LARS1: variants seen among roughly 807,000 people sequenced by gnomAD.
LARS1 encodes leucine--tRNA ligase, cytoplasmic.
LARS1 carries 100 observed loss-of-function variants against 162.8 expected under a neutral mutation model. That is an observed-to-expected ratio of 0.61 (90% CI 0.52 to 0.73). The LOEUF (loss-of-function observed/expected upper bound fraction) is 0.73. LARS1 is among the 30% of genes least tolerant of loss of function. The probability of loss-of-function intolerance (pLI) is 0.00; values close to 1 mark genes in which losing one functional copy is unlikely to be tolerated. For missense variants in LARS1, 1,258 were observed against 1,408.9 expected, an observed-to-expected ratio of 0.89 and a Z score of 1.71; for synonymous variants, 457 against 462.8, an observed-to-expected ratio of 0.99 and a Z score of 0.16.
intron 8 of LARS1, among the ~76,000 whole-genome samples, chr5:146,158,531 C>T (rs2126537544): frequency 6.6e-6 from 1 of 152,242 alleles, no homozygotes; most frequent in South Asian, 2.1e-4. Flanking sequence ...AGCCAAATCA[C>T]TTACTCTTGA....
intron 31 of LARS1, 142 bp from the exon 32 acceptor site, chr5:146,114,453 G>A (rs1026837589): frequency 3.5e-5 from 25 of 707,182 alleles, no homozygotes; most frequent in African/African-American, 9.0e-5. Context: ...TAAAAGCCAC[G>A]CTGGGTGCGG....
In LARS1 at chr5:146,138,899, C is replaced by T. The variant is rs1302142231; in HGVS notation, c.2148+1305G>A. 8 of 301,288 alleles carry T rather than the reference C, an allele frequency of 2.7e-5. No homozygotes were observed. The Admixed American group carries it at 3.1e-4, about 12-fold the overall frequency. 18.7% of individuals were successfully genotyped at this position (301,288 alleles called of 1,614,324 possible). A position where few individuals can be genotyped will look rare whatever the true frequency, so the allele number is the denominator to read the frequency against. ...ACCAGAGTAATCTGGGGAAAGGTAACTCAGGCCCACGGGAACAGTAGCATG... is the reference window on the plus strand; with the variant it reads ...ACCAGAGTAATCTGGGGAAAGGTAATTCAGGCCCACGGGAACAGTAGCATG... On this transcript the variant is annotated intron_variant, in intron 21 of 31. Coordinates refer to ENST00000394434, the MANE Select transcript of LARS1 (RefSeq NM_020117.11).
chr5:146,169,908 T>C (rs1372280547), intron 4 of LARS1, among the ~76,000 whole-genome samples: 1 of 152,120 alleles, frequency 6.6e-6, no homozygotes, highest in Non-Finnish European at 1.5e-5. Context: ...CTGGCAGGAT[T>C]AACTTAATTT....
chr5:146,132,833 G>C, intron 23 of LARS1, 65 bp downstream of exon 23: 1 of 1,190,928 alleles, frequency 8.4e-7, no homozygotes, highest in Non-Finnish European at 1.2e-6. Flanking sequence ...AAAAGAAAAA[G>C]AAAACAAAAA....
In LARS1 at chr5:146,172,119, C is replaced by T. The variant is rs544110763; in HGVS notation, c.214-129G>A. The T allele has an allele frequency of 5.9e-5, 45 of 761,612 alleles. 1 individual carries two copies. Among genetic ancestry groups the T allele is most frequent in the Non-Finnish European group, 8.6e-5 (39 of 456,034 alleles). The allele number at this position is 761,612 out of a possible 1,614,324, so 47.2% of individuals were successfully genotyped here. ...TTTGGAATGCCAGTTAGATTTTAGG[C>T]ATCCCAAAACTCACCAACCTAGGAA... On this transcript the variant is annotated intron_variant, in intron 3 of 31. Transcript: ENST00000394434.
chr5:146,123,557 C>T (rs935716059), intron 29 of LARS1, among the ~76,000 whole-genome samples: 36 of 151,556 alleles, frequency 2.4e-4, no homozygotes. Flanking sequence ...TATCATGAAC[C>T]AATATATCAG....
rs773819736 is a variant in LARS1, at chr5:146,153,221, G to A, written c.1237C>T (p.Arg413Ter). Residue 413 changes from arginine to a stop codon, truncating the protein, a stop_gained, in exon 13 of 32, where the codon CGA becomes TGA. Transcript: ENST00000394434. LOFTEE classifies it high-confidence loss of function. Reference protein sequence around the residue: ...LRDLKKKQALRAKYGIRDDMV... With the variant: ...LRDLKKKQAL Reference sequence around the variant, plus strand: ...TCATCTCTAATTCCATATTTTGCTCGTAAGGCCTACAGAAAAATTTGCAAG... The same window carrying A: ...TCATCTCTAATTCCATATTTTGCTCATAAGGCCTACAGAAAAATTTGCAAG... 18 of 1,611,988 alleles carry A rather than the reference G, an allele frequency of 1.1e-5. No individual in the cohort carries two copies. Among genetic ancestry groups the A allele is most frequent in the Non-Finnish European group, 1.4e-5 (17 of 1,178,746 alleles).
At chr5:146,164,267 C>T (rs756166852) in intron 6 of LARS1, 43 bp downstream of exon 6, 1 of 1,561,150 alleles carries the variant, frequency 6.4e-7, no homozygotes, top group Non-Finnish European at 8.8e-7. Flanking sequence ...TAAAAAAGCA[C>T]ATACTTGTAA....
In LARS1 at chr5:146,159,498, A is replaced by G. The variant is rs376453883; in HGVS notation, c.708-28T>C. Reference sequence around the variant, plus strand: ...AAAAAATAAACAAAAAGTGACAAACATTATTATAATATTCACGTTTTATCC... The same window carrying G: ...AAAAAATAAACAAAAAGTGACAAACGTTATTATAATATTCACGTTTTATCC... On this transcript the variant is annotated intron_variant, in intron 7 of 31. Transcript: ENST00000394434. 12 of 1,523,916 alleles carry G rather than the reference A, an allele frequency of 7.9e-6. No individual in the cohort carries two copies. In the African/African-American group the frequency reaches 1.6e-4, roughly 21 times the overall value. The allele number at this position is 1,523,916 out of a possible 1,614,324, so 94.4% of individuals were successfully genotyped here.
intron 1 of LARS1, among the ~76,000 whole-genome samples, chr5:146,180,041 C>T (rs1241786564): frequency 6.6e-6 from 1 of 152,208 alleles, no homozygotes; most frequent in Non-Finnish European, 1.5e-5. Context: ...TTTATAGTCA[C>T]CTTAGCACAA....
At chr5:146,140,965 C>T (rs1358147299) in intron 20 of LARS1, among the ~76,000 whole-genome samples, 1 of 152,012 alleles carries the variant, frequency 6.6e-6, no homozygotes, top group African/African-American at 2.4e-5. Flanking sequence ...TCTTTATATA[C>T]ATTAACAAAT....
chr5:146,138,996 C>T (rs1210942158), intron 21 of LARS1: 1 of 375,306 alleles, frequency 2.7e-6, no homozygotes, highest in African/African-American at 2.2e-5. Context: ...TGCTGTACCC[C>T]TCAAGGATTT....
chr5:146,168,584 T>C (rs1012702943), intron 4 of LARS1, among the ~76,000 whole-genome samples: 14 of 151,614 alleles, frequency 9.2e-5, no homozygotes, highest in South Asian at 2.1e-4. Context: ...ACTTGGGAGG[T>C]TGAGGTGACA....
Position 146,126,490 on chromosome 5 carries a change from A to G in LARS1, c.2936T>C (p.Met979Thr), listed in dbSNP as rs757545621. ...NKVIASELGS[M>T]PELKKYMKKV... ...CTTCATGTATTTCTTCAGTTCTGGC[A>G]TACTGCCTAGTTCACTAGCAATGAC... Residue 979 changes from methionine to threonine, a missense_variant, in exon 28 of 32, where the codon ATG becomes ACG. By Grantham distance (81) the Met-to-Thr change is moderately conservative. Transcript: ENST00000394434. The G allele has an allele frequency of 3.1e-6, 5 of 1,612,510 alleles. No individual in the cohort carries two copies. In the Admixed American group the frequency reaches 6.7e-5, roughly 22 times the overall value.
At chr5:146,151,684 G>C (rs112072148) in intron 14 of LARS1, among the ~76,000 whole-genome samples, 178 bp downstream of exon 14, 38 of 152,090 alleles carry the variant, frequency 2.5e-4, no homozygotes, top group Non-Finnish European at 3.7e-4. Flanking sequence ...AATGCTTTTA[G>C]GCAAAGGACA....
At chr5:146,115,983 A>G (rs1561792515) in intron 31 of LARS1, among the ~76,000 whole-genome samples, 1 of 152,182 alleles carries the variant, frequency 6.6e-6, no homozygotes, top group Non-Finnish European at 1.5e-5. Context: ...CCAAGAATAC[A>G]AGTTATCCAT....
At chr5:146,156,779 GA>G (rs367757770) in intron 10 of LARS1, among the ~76,000 whole-genome samples, 13,349 of 138,636 alleles carry the variant, frequency 0.096, 719 homozygotes, top group African/African-American at 0.16. Context: ...TTCTTCACAT[GA>G]AAAAAAAAAA....
chr5:146,175,292 T>C (rs938386530), intron 2 of LARS1, among the ~76,000 whole-genome samples: 1 of 150,548 alleles, frequency 6.6e-6, no homozygotes, highest in Non-Finnish European at 1.5e-5. Context: ...ACGCGTGTAA[T>C]CCCAGCACTT....
chr5:146,172,694 T>G lies in LARS1; in HGVS notation c.206A>C (p.Lys69Thr), dbSNP rs749031186. 7 of 1,563,826 alleles carry G rather than the reference T, an allele frequency of 4.5e-6. No homozygotes were observed. The South Asian group carries it at 8.3e-5, about 19-fold the overall frequency. The change falls in exon 3 of 32, where the codon AAA becomes ACA. Residue 69 changes from lysine (K) to threonine (T), a missense_variant. Coordinates refer to ENST00000394434, the MANE Select transcript of LARS1 (RefSeq NM_020117.11). The stretch of plus-strand genomic sequence containing the variant: ...AACATAGGGAAACATTACCTCACAT[T>G]TGGATAAAGAAAACGTGTGTCCCAA... ...LHLGHTFSLS[K>T]CEFAVGYQRL...
Sources: allele counts gnomAD v4.1 joint callset (sites outside exome capture counted in the v4.1 genomes callset), GRCh38; gene constraint gnomAD v4.1.1; transcripts MANE v1.5; gene names NCBI Gene and HGNC (gene_info 2026-07-23, HGNC 2026-07-21).